TOX: variants seen among roughly 807,000 people sequenced by gnomAD.
TOX encodes the protein thymocyte selection associated high mobility group box.
TOX carries 11 observed loss-of-function variants against 53.7 expected under a neutral mutation model. That is an observed-to-expected ratio of 0.20 (90% CI 0.13 to 0.34). The LOEUF (loss-of-function observed/expected upper bound fraction) is 0.34. Among genes scored for constraint, TOX ranks in the 10% least tolerant of loss-of-function variants. The probability of loss-of-function intolerance (pLI) is 1.00; values close to 1 mark genes in which losing one functional copy is unlikely to be tolerated. For synonymous variants in TOX, 225 were observed against 245.3 expected (o/e 0.92, Z 0.77); for missense variants, 570 against 664.6 (o/e 0.86, Z 1.56).
At chr8:58,999,408 A>G (rs1016813177) in intron 1 of TOX, among the ~76,000 whole-genome samples, 14 of 151,402 alleles carry the variant, frequency 9.2e-5, no homozygotes, top group African/African-American at 3.2e-4. Context: ...TCAAAGGAGA[A>G]AAAAAAAAGA....
At chr8:59,093,177 A>G (rs1347615205) in intron 1 of TOX, among the ~76,000 whole-genome samples, 1 of 151,904 alleles carries the variant, frequency 6.6e-6, no homozygotes, top group Non-Finnish European at 1.5e-5. Context: ...TTCTTCCTAT[A>G]GTAGGCTCTG....
rs1814198879 is a variant in TOX at position 59,024,430 on chromosome 8, C to G, written c.103-64422G>C. Among the ~76,000 whole-genome samples, 4 of 152,132 alleles carry G rather than the reference C, an allele frequency of 2.6e-5. No homozygotes were observed. The South Asian group carries it at 8.3e-4, about 31-fold the overall frequency. On this transcript the variant is annotated intron_variant, in intron 1 of 8. Coordinates refer to ENST00000361421, the MANE Select transcript of TOX (RefSeq NM_014729.3). Reference sequence around the variant, plus strand: ...ATAATTTTCCATAAAAGAAGATATTCTCAGTAGCTACTAAGTGTCAAAGAA... The same window carrying G: ...ATAATTTTCCATAAAAGAAGATATTGTCAGTAGCTACTAAGTGTCAAAGAA...
intron 1 of TOX, among the ~76,000 whole-genome samples, chr8:58,983,528 T>C (rs1401155896): frequency 6.6e-6 from 1 of 152,198 alleles, no homozygotes; most frequent in African/African-American, 2.4e-5. Flanking sequence ...AAAAGTGAGA[T>C]CATGATATTG....
intron 1 of TOX, among the ~76,000 whole-genome samples, chr8:59,011,146 TTA>T (rs1160185494): frequency 6.6e-6 from 1 of 152,222 alleles, no homozygotes; most frequent in African/African-American, 2.4e-5. Context: ...TACACATAAT[TTA>T]TCTAAAGAAC....
intron 1 of TOX, among the ~76,000 whole-genome samples, chr8:59,009,748 T>A (rs952951805): frequency 1.3e-5 from 2 of 152,188 alleles, no homozygotes; most frequent in East Asian, 3.8e-4. Flanking sequence ...TCTCTTTTTG[T>A]TTCCTTTCTT....
intron 1 of TOX, among the ~76,000 whole-genome samples, chr8:59,108,678 A>G (rs1804956969): frequency 6.6e-6 from 1 of 150,628 alleles, no homozygotes; most frequent in Non-Finnish European, 1.5e-5. Context: ...ACACACACAC[A>G]CACACACATA....
chr8:58,854,659 T>TA (rs1810883966), intron 3 of TOX, among the ~76,000 whole-genome samples: 1 of 152,092 alleles, frequency 6.6e-6, no homozygotes, highest in South Asian at 2.1e-4. Flanking sequence ...CCAGTGGTGT[T>TA]AGGTCAGGCA....
Position 59,021,479 on chromosome 8 carries a change from A to ATATAT in TOX, c.103-61472_103-61471insATATA, listed in dbSNP as rs1375026046. Among the ~76,000 whole-genome samples, 36 of 64,710 alleles carry ATATAT rather than the reference A, an allele frequency of 5.6e-4. No homozygotes were observed. In the East Asian group the frequency reaches 0.011, roughly 20 times the overall value. The allele number at this position is 64,710 out of a possible 152,430, so 42.5% of individuals were successfully genotyped here. A position where few individuals can be genotyped will look rare whatever the true frequency, so the allele number is the denominator to read the frequency against. ...TTCTACAAGCAAAAAAAAAAAAAAA[A>ATATAT]AAATATATATATATATATATGCACA... On this transcript the variant is annotated intron_variant, in intron 1 of 8. Coordinates refer to ENST00000361421, the MANE Select transcript of TOX (RefSeq NM_014729.3).
At chr8:58,915,446 A>G (rs1408935124) in intron 3 of TOX, among the ~76,000 whole-genome samples, 2 of 105,136 alleles carry the variant, frequency 1.9e-5, no homozygotes, top group Non-Finnish European at 1.9e-5. Flanking sequence ...GGGCACACTG[A>G]CACCTCACAC....
intron 3 of TOX, among the ~76,000 whole-genome samples, chr8:58,905,688 T>A (rs924119021): frequency 3.9e-5 from 6 of 152,248 alleles, no homozygotes; most frequent in African/African-American, 1.4e-4. Flanking sequence ...AGATTTTCAG[T>A]AATTGCACAG....
intron 1 of TOX, among the ~76,000 whole-genome samples, chr8:58,968,262 A>T (rs1367638467): frequency 6.6e-6 from 1 of 152,230 alleles, no homozygotes; most frequent in African/African-American, 2.4e-5. Context: ...GAAGATATGG[A>T]TTTTACAAAA....
intron 1 of TOX, among the ~76,000 whole-genome samples, chr8:58,967,499 A>G (rs1812926425): frequency 1.3e-5 from 2 of 152,112 alleles, no homozygotes; most frequent in Admixed American, 1.3e-4. Context: ...TAGCCTCCAG[A>G]GGCACCACTT....
chr8:58,828,297 G>T (rs1810396767), intron 5 of TOX, among the ~76,000 whole-genome samples: 1 of 152,162 alleles, frequency 6.6e-6, no homozygotes, highest in African/African-American at 2.4e-5. Flanking sequence ...TAACAGGACT[G>T]TATGAAATGA....
rs1812815393 is a variant in TOX, at chr8:58,962,387, A to ATGT, written c.103-2380_103-2379insACA. On this transcript the variant is annotated intron_variant, in intron 1 of 8. Coordinates refer to ENST00000361421, the MANE Select transcript of TOX (RefSeq NM_014729.3). ...ATGTATTAACTGATTTAAGCATCACAAAACCAAGAGTTAGGTATTATTATT... is the reference window on the plus strand; with the variant it reads ...ATGTATTAACTGATTTAAGCATCACATGTAAACCAAGAGTTAGGTATTATTATT... Among the ~76,000 whole-genome samples, 10 of 152,332 alleles carry ATGT rather than the reference A, an allele frequency of 6.6e-5. No individual in the cohort carries two copies. In the South Asian group the frequency reaches 2.1e-3, roughly 32 times the overall value.
At chr8:59,047,050 G>C (rs866608835) in intron 1 of TOX, among the ~76,000 whole-genome samples, 1 of 152,070 alleles carries the variant, frequency 6.6e-6, no homozygotes, top group Non-Finnish European at 1.5e-5. Flanking sequence ...GGCCAGGCTA[G>C]TGGAGAATGT....
intron 1 of TOX, among the ~76,000 whole-genome samples, chr8:59,024,826 T>C (rs1032584355): frequency 6.6e-6 from 1 of 152,120 alleles, no homozygotes; most frequent in African/African-American, 2.4e-5. Context: ...AGTGACAACA[T>C]AGCCAAGATT....
intron 3 of TOX, among the ~76,000 whole-genome samples, chr8:58,879,051 A>G (rs952942790): frequency 1.5e-5 from 2 of 135,588 alleles, no homozygotes; most frequent in African/African-American, 6.4e-5. Flanking sequence ...ACAAAGCAAG[A>G]CTTCATCTCA....
intron 6 of TOX, 147 bp downstream of exon 6, chr8:58,826,675 G>T (rs908056111): frequency 3.3e-6 from 2 of 602,170 alleles, no homozygotes; most frequent in East Asian, 3.3e-5. Flanking sequence ...TTTCCATATC[G>T]TATAGCTTTG....
At chr8:59,081,703 C>A in intron 1 of TOX, among the ~76,000 whole-genome samples, 1 of 152,128 alleles carries the variant, frequency 6.6e-6, no homozygotes, top group Non-Finnish European at 1.5e-5. Flanking sequence ...TGGAACTTGT[C>A]AGGCAGGATG....
Sources: gnomAD v4.1 joint callset for allele counts (sites outside exome capture counted in the v4.1 genomes callset) on GRCh38, gnomAD v4.1.1 for gene constraint, MANE v1.5 for transcripts, NCBI Gene and HGNC (gene_info 2026-07-23, HGNC 2026-07-21) for gene names.